The following SPG11 variants were observed in gnomAD, a reference collection of about 807,000 sequenced individuals.
SPG11 encodes spatacsin.
A neutral mutation model predicts 274.0 loss-of-function variants in SPG11; 222 were observed. That is an observed-to-expected ratio of 0.81 (90% CI 0.73 to 0.91). SPG11 has a LOEUF of 0.91. Among genes scored for constraint, SPG11 ranks in the 40% least tolerant of loss-of-function variants. The pLI is 0.00. For missense variants in SPG11, 3,114 were observed against 2,872.7 expected (o/e 1.08, Z -1.92); for synonymous variants, 1,144 against 1,039.7 (o/e 1.10, Z -1.93).
intron 19 of SPG11, among the ~76,000 whole-genome samples, chr15:44,607,224 C>T (rs976375113): frequency 3.3e-5 from 5 of 152,222 alleles, no homozygotes; most frequent in Non-Finnish European, 5.9e-5. Context: ...TTTTAAGTAG[C>T]ACCAGTCAAT....
chr15:44,660,654 C>T (rs200637027), intron 1 of SPG11, 38 bp from the exon 2 acceptor site: 45 of 1,591,052 alleles, frequency 2.8e-5, no homozygotes, highest in African/African-American at 1.3e-4. Flanking sequence ...ATTCTATATC[C>T]GCAATAATAT....
chr15:44,661,873 C>T (rs1002054021), intron 1 of SPG11, among the ~76,000 whole-genome samples: 2 of 152,130 alleles, frequency 1.3e-5, no homozygotes, highest in Non-Finnish European at 2.9e-5. Context: ...TAAACATGCC[C>T]TTATTTTTAA....
chr15:44,578,261 G>C (rs2082587065), intron 30 of SPG11, among the ~76,000 whole-genome samples: 2 of 148,238 alleles, frequency 1.3e-5, no homozygotes, highest in African/African-American at 5.0e-5. Context: ...GTCTTGATCT[G>C]ACCTCATGAT....
intron 20 of SPG11, among the ~76,000 whole-genome samples, chr15:44,601,552 CTCT>C (rs199519410): frequency 0.038 from 5,675 of 149,800 alleles, 303 homozygotes; most frequent in East Asian, 0.18. Context: ...TGCGCCCAGC[CTCT>C]TCTTTTTTTT....
At chr15:44,645,573 C>T (rs556267966) in intron 7 of SPG11, among the ~76,000 whole-genome samples, 42 of 152,238 alleles carry the variant, frequency 2.8e-4, no homozygotes, top group African/African-American at 1.0e-3. Flanking sequence ...GATTTCATGA[C>T]AAAGACACCA....
chr15:44,564,687 C>T lies in SPG11; in HGVS notation c.7011G>A (p.Val2337=), dbSNP rs1293970634. The change falls in exon 39 of 40, where the codon GTG becomes GTA. Residue 2337 remains valine (V), a synonymous_variant. Coordinates refer to ENST00000261866, the MANE Select transcript of SPG11 (RefSeq NM_025137.4). Reference sequence around the variant, plus strand: ...CTGGAACAAAATCGTAGGCCTCAGCCACAATAGAAGCCTTAAAAGGAGAGG... The same window carrying T: ...CTGGAACAAAATCGTAGGCCTCAGCTACAATAGAAGCCTTAAAAGGAGAGG... ...ALPRFYQASI[V]AEAYDFVPDW... 6.2e-7 allele frequency: 1 copy of T among 1,614,128 alleles called. No homozygotes were observed. Among genetic ancestry groups the T allele is most frequent in the Admixed American group, 1.7e-5 (1 of 60,020 alleles).
At chr15:44,565,534 C>T (rs763358482) in intron 38 of SPG11, among the ~76,000 whole-genome samples, 16 of 152,272 alleles carry the variant, frequency 1.1e-4, no homozygotes, top group South Asian at 6.2e-4. Context: ...ACTTGCTGTG[C>T]GGCCTGGTTC....
rs561380881 is a variant in SPG11 at position 44,615,664 on chromosome 15, G to A, written c.2835-98C>T. 24 of 1,075,174 alleles carry A rather than the reference G, an allele frequency of 2.2e-5. No individual in the cohort carries two copies. The South Asian group carries it at 2.4e-4, about 11-fold the overall frequency. 66.6% of individuals were successfully genotyped at this position (1,075,174 alleles called of 1,614,324 possible). On this transcript the variant is annotated intron_variant, in intron 15 of 39. Transcript: ENST00000261866. ...TTAGGTCTCAATTACTTAAAAATAA[G>A]CATTTACAAATTAATGCTGCCAGTT...
At chr15:44,657,413 A>G in intron 3 of SPG11, 117 bp from the exon 4 acceptor site, 1 of 928,510 alleles carries the variant, frequency 1.1e-6, no homozygotes, top group Non-Finnish European at 1.7e-6. Flanking sequence ...ATAACAGAAG[A>G]AGACTGAAAA....
In SPG11 at chr15:44,595,473, A is replaced by G. The variant is rs2083011862; in HGVS notation, c.4435-14T>C. The G allele has an allele frequency of 1.9e-6, 3 of 1,613,454 alleles. No individual in the cohort carries two copies. The highest frequency in any genetic ancestry group is 2.5e-6 in the Non-Finnish European group (3 of 1,179,458). The stretch of plus-strand genomic sequence containing the variant: ...GGCACTGGCACCCTGCCACGGGATA[A>G]ATAAAATAACAACTAGGCCTGGATT... On this transcript the variant is annotated splice_polypyrimidine_tract_variant and intron_variant, in intron 25 of 39. Coordinates refer to ENST00000261866, the MANE Select transcript of SPG11 (RefSeq NM_025137.4).
At chr15:44,578,142 A>ACG (rs2082582818) in intron 30 of SPG11, among the ~76,000 whole-genome samples, 1 of 146,204 alleles carries the variant, frequency 6.8e-6, no homozygotes, top group African/African-American at 2.6e-5. Flanking sequence ...CTCCTGCCTC[A>ACG]GCCTCCCGAG....
chr15:44,568,800 C>T (rs2082357884), intron 35 of SPG11, among the ~76,000 whole-genome samples: 2 of 152,130 alleles, frequency 1.3e-5, no homozygotes, highest in Admixed American at 6.5e-5. Context: ...GGTTTTTGCC[C>T]CTGCCAGAGA....
At position 44,615,423 on chromosome 15, in the gene SPG11, A is replaced by C; in HGVS notation, c.2978T>G (p.Ile993Ser). ...KEGWDFHSQF[I>S]LYCLEHSLQH... ...CAGACTGTGCTCCAAACAATAGAGA[A>C]TGAATTGAGAATGGAAATCCCAACC... is the stretch of plus-strand genomic sequence containing the variant. Residue 993 changes from isoleucine (I) to serine (S), a missense_variant, in exon 16 of 40, where the codon ATT becomes AGT. By Grantham distance (142) the Ile-to-Ser change is moderately radical. Transcript: ENST00000261866. The C allele has an allele frequency of 6.2e-7, 1 of 1,614,148 alleles. No homozygotes were observed. Among genetic ancestry groups the C allele is most frequent in the Non-Finnish European group, 8.5e-7 (1 of 1,180,004 alleles).
intron 7 of SPG11, among the ~76,000 whole-genome samples, chr15:44,637,509 T>A (rs2084312792): frequency 6.6e-6 from 1 of 152,164 alleles, no homozygotes; most frequent in Non-Finnish European, 1.5e-5. Flanking sequence ...GAGATGGGGT[T>A]TGGCATGTTA....
intron 7 of SPG11, among the ~76,000 whole-genome samples, chr15:44,636,341 G>T (rs1595908031): frequency 6.6e-6 from 1 of 151,718 alleles, no homozygotes; most frequent in Non-Finnish European, 1.5e-5. Context: ...AATTATCAAT[G>T]AATAGAATAT....
intron 7 of SPG11, among the ~76,000 whole-genome samples, chr15:44,640,379 CA>C (rs1487888808): frequency 1.3e-5 from 2 of 152,136 alleles, no homozygotes; most frequent in African/African-American, 2.4e-5. Context: ...CCCCGCCCCC[CA>C]AAAGACAAGA....
In SPG11 at chr15:44,660,450, T is replaced by C. The variant is rs748211982; in HGVS notation, c.424A>G (p.Ile142Val). Residue 142 changes from isoleucine to valine, a missense_variant, in exon 2 of 40, where the codon ATT becomes GTT. Physicochemically the swap from Ile to Val is conservative, Grantham distance 29. Transcript: ENST00000261866. ...TACTTACTGATATCTTGATCGTCAA[T>C]GAGCTTTTGCAATGCCTCCCTACTA... ...SCSREALQKL[I>V]DDQDISISLL... 7 of 1,613,318 alleles carry C rather than the reference T, an allele frequency of 4.3e-6. No individual in the cohort carries two copies. The highest frequency in any genetic ancestry group is 5.9e-6 in the Non-Finnish European group (7 of 1,179,482).
intron 15 of SPG11, among the ~76,000 whole-genome samples, chr15:44,618,879 T>C (rs939413258): frequency 2.6e-5 from 4 of 152,122 alleles, no homozygotes; most frequent in Non-Finnish European, 4.4e-5. Context: ...AAGTTTTGAT[T>C]GTAAATAGGC....
At chr15:44,659,623 A>G (rs2085045512) in intron 2 of SPG11, among the ~76,000 whole-genome samples, 1 of 152,184 alleles carries the variant, frequency 6.6e-6, no homozygotes, top group Admixed American at 6.5e-5. Context: ...AAAAAGAAGA[A>G]ACCTTATAAT....
Sources: allele counts gnomAD v4.1 joint callset (sites outside exome capture counted in the v4.1 genomes callset), GRCh38; gene constraint gnomAD v4.1.1; transcripts MANE v1.5; gene names NCBI Gene and HGNC (gene_info 2026-07-23, HGNC 2026-07-21).